MARCHF1: variants seen among roughly 807,000 people sequenced by gnomAD.
The protein encoded by MARCHF1 is E3 ubiquitin-protein ligase MARCHF1.
A neutral mutation model predicts 54.2 loss-of-function variants in MARCHF1; 40 were observed. The observed-to-expected ratio is 0.74, with a 90% CI of 0.57 to 0.96. MARCHF1 has a LOEUF of 0.96. MARCHF1 is among the 40% of genes least tolerant of loss of function. MARCHF1 has a pLI of 0.00. For missense variants in MARCHF1, 586 were observed against 656.5 expected (o/e 0.89, Z 1.17); for synonymous variants, 236 against 236.3 (o/e 1.00, Z 0.01).
intron 3 of MARCHF1, among the ~76,000 whole-genome samples, chr4:163,921,323 G>A (rs1480823946): frequency 6.6e-6 from 1 of 151,954 alleles, no homozygotes; most frequent in African/African-American, 2.4e-5. Flanking sequence ...ATCTTCTCAG[G>A]ATATCATACT....
At chr4:164,015,808 C>A (rs1449845503) in intron 2 of MARCHF1, among the ~76,000 whole-genome samples, 1 of 150,444 alleles carries the variant, frequency 6.6e-6, no homozygotes, top group Non-Finnish European at 1.5e-5. Flanking sequence ...CAAGCAATAA[C>A]AAATGCGGAG....
intron 2 of MARCHF1, among the ~76,000 whole-genome samples, chr4:164,088,026 G>A (rs1755226048): frequency 6.6e-6 from 1 of 151,862 alleles, no homozygotes; most frequent in South Asian, 2.1e-4. Flanking sequence ...TCATACATAT[G>A]AATGAGTATT....
At chr4:164,027,812 A>T (rs1195004620) in intron 2 of MARCHF1, among the ~76,000 whole-genome samples, 1 of 152,180 alleles carries the variant, frequency 6.6e-6, no homozygotes, top group African/African-American at 2.4e-5. Flanking sequence ...AACCTACAGA[A>T]TGAGAGAAAA....
chr4:164,251,265 C>A (rs542045398), intron 1 of MARCHF1, among the ~76,000 whole-genome samples: 70 of 152,152 alleles, frequency 4.6e-4, no homozygotes, highest in African/African-American at 1.6e-3. Flanking sequence ...AGGCATAATA[C>A]CATTTTATAC....
At chr4:163,679,616 C>CA (rs1554004086) in intron 5 of MARCHF1, among the ~76,000 whole-genome samples, 13 of 144,164 alleles carry the variant, frequency 9.0e-5, no homozygotes, top group Non-Finnish European at 2.0e-4. Flanking sequence ...ATCTCCAATT[C>CA]TTTTTTTTTT....
Position 163,583,504 on chromosome 4 carries a change from TAATC to T in MARCHF1, c.1191+2241_1191+2244del, listed in dbSNP as rs891489912. ...AATGCTTAATATATTGATATATTAATAATCAATAAAAGTATTCAATTTATTCAAA... is the reference window on the plus strand; with the variant it reads ...AATGCTTAATATATTGATATATTAATAATAAAAGTATTCAATTTATTCAAA... On this transcript the variant is annotated intron_variant, in intron 8 of 9. Coordinates refer to ENST00000514618, the MANE Select transcript of MARCHF1 (RefSeq NM_001394959.1). The T allele has an allele frequency of 2.2e-4, 33 of 152,254 alleles. No individual in the cohort carries two copies. The East Asian group carries it at 3.5e-3, about 16-fold the overall frequency. 9.4% of individuals were successfully genotyped at this position (152,254 alleles called of 1,614,324 possible).
chr4:163,756,588 C>T (rs1208297868), intron 4 of MARCHF1, among the ~76,000 whole-genome samples: 4 of 133,928 alleles, frequency 3.0e-5, no homozygotes, highest in South Asian at 2.5e-4. Flanking sequence ...GCCGAGATAG[C>T]GCCACTGTAC....
chr4:164,241,769 C>T (rs947249050), intron 1 of MARCHF1, among the ~76,000 whole-genome samples: 7 of 152,266 alleles, frequency 4.6e-5, no homozygotes, highest in East Asian at 1.9e-4. Context: ...AGTGGGTGCG[C>T]GCACAGTGCG....
chr4:163,918,188 A>C (rs1417420307), intron 3 of MARCHF1, among the ~76,000 whole-genome samples: 2 of 152,184 alleles, frequency 1.3e-5, no homozygotes, highest in Non-Finnish European at 2.9e-5. Context: ...AGGCTTGTGA[A>C]GATCACATGG....
chr4:164,291,791 T>C (rs942357294), intron 1 of MARCHF1, among the ~76,000 whole-genome samples: 2 of 152,074 alleles, frequency 1.3e-5, no homozygotes, highest in Non-Finnish European at 2.9e-5. Flanking sequence ...TATAATCTTA[T>C]GGGACCACCC....
At chr4:164,176,858 C>A (rs1327468390) in intron 1 of MARCHF1, among the ~76,000 whole-genome samples, 1 of 150,046 alleles carries the variant, frequency 6.7e-6, no homozygotes, top group African/African-American at 2.4e-5. Flanking sequence ...ACCATCAGGC[C>A]TTCTGATTCC....
At chr4:164,274,541 C>T (rs964121568) in intron 1 of MARCHF1, among the ~76,000 whole-genome samples, 35 of 151,846 alleles carry the variant, frequency 2.3e-4, no homozygotes, top group Non-Finnish European at 4.4e-4. Flanking sequence ...CCAAATTCCC[C>T]AGTGTTCATA....
intron 1 of MARCHF1, among the ~76,000 whole-genome samples, chr4:164,286,818 T>C (rs1319232319): frequency 6.7e-6 from 1 of 150,082 alleles, no homozygotes; most frequent in Non-Finnish European, 1.5e-5. Flanking sequence ...AACATACACA[T>C]GATTTAAACT....
At chr4:163,981,006 G>A in intron 3 of MARCHF1, among the ~76,000 whole-genome samples, 1 of 152,166 alleles carries the variant, frequency 6.6e-6, no homozygotes, top group East Asian at 1.9e-4. Flanking sequence ...TACAGGTAAG[G>A]ATAATTACTA....
chr4:163,633,243 G>C (rs1024368703), intron 5 of MARCHF1, among the ~76,000 whole-genome samples: 5 of 152,230 alleles, frequency 3.3e-5, no homozygotes, highest in Non-Finnish European at 5.9e-5. Flanking sequence ...AAAGCTGGAC[G>C]GAGAATGACT....
chr4:163,735,029 C>A (rs1320204569), intron 4 of MARCHF1, among the ~76,000 whole-genome samples: 3 of 152,170 alleles, frequency 2.0e-5, no homozygotes, highest in African/African-American at 7.2e-5. Context: ...CCTTTTGACA[C>A]CGAACATAAG....
chr4:163,815,741 T>G (rs1488841923), intron 4 of MARCHF1, among the ~76,000 whole-genome samples: 1 of 152,200 alleles, frequency 6.6e-6, no homozygotes, highest in East Asian at 1.9e-4. Context: ...ATGCTTGTTC[T>G]ATATAGATTT....
chr4:164,350,905 T>A (rs991256861), intron 1 of MARCHF1, among the ~76,000 whole-genome samples: 2 of 151,972 alleles, frequency 1.3e-5, no homozygotes, highest in African/African-American at 4.8e-5. Context: ...AGTGGGTGCG[T>A]GCACCGGGCG....
chr4:163,622,663 A>G (rs979494457), intron 5 of MARCHF1, among the ~76,000 whole-genome samples: 4 of 152,178 alleles, frequency 2.6e-5, no homozygotes, highest in African/African-American at 4.8e-5. Context: ...GGAGAAAGTT[A>G]TCTCGATGCC....
Sources: allele counts gnomAD v4.1 joint callset (sites outside exome capture counted in the v4.1 genomes callset), GRCh38; gene constraint gnomAD v4.1.1; transcripts MANE v1.5; gene names NCBI Gene and HGNC (gene_info 2026-07-23, HGNC 2026-07-21).